Variants in TGIF1 observed in about 807,000 individuals in gnomAD.
TGIF1 encodes homeobox protein TGIF1.
In TGIF1, 4 loss-of-function variants were observed where a neutral mutation model predicts 19.3. The observed-to-expected ratio is 0.21, with a 90% CI of 0.10 to 0.47. The LOEUF is 0.47. Ranked by LOEUF, TGIF1 falls within the 20% of genes least tolerant of loss-of-function variation. TGIF1 has a pLI of 0.98. For missense variants in TGIF1, 275 were observed against 341.4 expected, an observed-to-expected ratio of 0.81 and a Z score of 1.53; for synonymous variants, 122 against 129.3, an observed-to-expected ratio of 0.94 and a Z score of 0.38.
intron 2 of TGIF1, among the ~76,000 whole-genome samples, chr18:3,422,839 C>T (rs1245718671): frequency 2.6e-5 from 4 of 151,762 alleles, no homozygotes; most frequent in Non-Finnish European, 4.4e-5. Flanking sequence ...TACAGGCACC[C>T]GCCACCACGC....
chr18:3,427,362 G>A (rs557974842), intron 2 of TGIF1, among the ~76,000 whole-genome samples: 121 of 151,790 alleles, frequency 8.0e-4, no homozygotes, highest in African/African-American at 2.6e-3. Flanking sequence ...CACAATTTCG[G>A]GACACTGCAA....
At chr18:3,434,201 C>T (rs1054678632) in intron 2 of TGIF1, among the ~76,000 whole-genome samples, 3 of 151,852 alleles carry the variant, frequency 2.0e-5, no homozygotes, top group Non-Finnish European at 4.4e-5. Context: ...ACCACCCTGG[C>T]CAACATGGTG....
In TGIF1 at chr18:3,451,874, C is replaced by T. The variant is rs1011288950; in HGVS notation, c.16+1369C>T. 1.4e-6 allele frequency: 2 copies of T among 1,432,166 alleles called. No homozygotes were observed. Among genetic ancestry groups the T allele is most frequent in the African/African-American group, 2.9e-5 (2 of 68,572 alleles). The allele number at this position is 1,432,166 out of a possible 1,614,324, so 88.7% of individuals were successfully genotyped here. ...ACGCGCGGGGGGCGTCCGAGACGCC[C>T]CGTGAAAGCCGTGCCGACCCTTGGG... On this transcript the variant is annotated intron_variant, in intron 1 of 2. Transcript: ENST00000343820. This position sits in a 1 kb window ranked among gnomAD's most constrained non-coding sequence, Gnocchi z 5.4.
intron 2 of TGIF1, among the ~76,000 whole-genome samples, chr18:3,422,673 CTTTTTTTTTT>C (rs869116407): frequency 1.2e-4 from 3 of 24,672 alleles, no homozygotes; most frequent in Non-Finnish European, 4.9e-4. Context: ...TATAGGTGGC[CTTTTTTTTTT>C]TTTTTTTTTT....
In TGIF1 at chr18:3,450,272, A is replaced by T; in HGVS notation, c.-218A>T. The T allele has an allele frequency of 2.1e-6, 3 of 1,434,208 alleles. No individual in the cohort carries two copies. The highest frequency in any genetic ancestry group is 2.7e-6 in the Non-Finnish European group (3 of 1,097,096). The allele number at this position is 1,434,208 out of a possible 1,614,324, so 88.8% of individuals were successfully genotyped here. The stretch of plus-strand genomic sequence containing the variant: ...GAGGGAGAGCCCCCGGCCGGCTGCC[A>T]GAAGATCCCGGCGGGAGGAAGCCCA... On this transcript the variant is annotated 5_prime_UTR_variant, in exon 1 of 3. Coordinates refer to ENST00000343820, the MANE Select transcript of TGIF1 (RefSeq NM_003244.4).
chr18:3,456,681 GAC>G lies in TGIF1; in HGVS notation c.243+103_243+104del, dbSNP rs71159074. On this transcript the variant is annotated intron_variant, in intron 2 of 2. Coordinates refer to ENST00000343820, the MANE Select transcript of TGIF1 (RefSeq NM_003244.4). The surrounding 1 kb of genome is among the most constrained non-coding windows in gnomAD (Gnocchi z 4.2). ...GTCATTAAGCTCCTTGCCACTCAAA[GAC>G]AGAAGGAATATCTTTTTATTGTAAA... The G allele has an allele frequency of 0.04, 41,323 of 1,028,024 alleles. 1,025 individuals carry two copies. Among genetic ancestry groups the G allele is most frequent in the Non-Finnish European group, 0.048 (32,245 of 666,640 alleles). The allele number at this position is 1,028,024 out of a possible 1,614,324, so 63.7% of individuals were successfully genotyped here.
chr18:3,454,298 T>C (rs1403649563), intron 1 of TGIF1, among the ~76,000 whole-genome samples: 1 of 152,194 alleles, frequency 6.6e-6, no homozygotes, highest in East Asian at 1.9e-4. Flanking sequence ...CAGGGGCTTT[T>C]TTTGTTTCAA....
intron 1 of TGIF1, chr18:3,452,174 G>C (rs761484867): frequency 1.2e-6 from 2 of 1,613,500 alleles, no homozygotes; most frequent in African/African-American, 2.7e-5. Context: ...CAGCGCCGTG[G>C]TCCTCCCTGG....
Position 3,458,108 on chromosome 18 carries a change from T to C in TGIF1, c.*168T>C. The stretch of plus-strand genomic sequence containing the variant: ...AATGGAATACAGTCATTCCAAGAAC[T>C]ATAAACTTAAAGCTACTGTAGAAAC... On this transcript the variant is annotated 3_prime_UTR_variant, in exon 3 of 3. Transcript: ENST00000343820. 1 of 638,856 alleles carries C rather than the reference T, an allele frequency of 1.6e-6. No individual in the cohort carries two copies. Among genetic ancestry groups the C allele is most frequent in the Non-Finnish European group, 2.7e-6 (1 of 374,308 alleles). The allele number at this position is 638,856 out of a possible 1,614,324, so 39.6% of individuals were successfully genotyped here. A position where few individuals can be genotyped will look rare whatever the true frequency, so the allele number is the denominator to read the frequency against.
upstream of TGIF1, chr18:3,447,717 C>T (rs201666218): frequency 2.5e-6 from 4 of 1,614,110 alleles, no homozygotes; most frequent in South Asian, 1.1e-5. Flanking sequence ...GAGTGCCTCG[C>T]CAGCTTTAAC....
intron 1 of TGIF1, among the ~76,000 whole-genome samples, chr18:3,417,013 C>T (rs1461854536): frequency 6.6e-6 from 1 of 151,960 alleles, no homozygotes; most frequent in Non-Finnish European, 1.5e-5. Context: ...AAATCTCACT[C>T]GGAATTTATC....
At chr18:3,431,940 C>A (rs1470450070) in intron 2 of TGIF1, among the ~76,000 whole-genome samples, 1 of 151,912 alleles carries the variant, frequency 6.6e-6, no homozygotes, top group Non-Finnish European at 1.5e-5. Context: ...ACTATCCTGG[C>A]CAACCTGGTG....
rs925595285 is a variant in TGIF1 at position 3,450,314 on chromosome 18, C to A, written c.-176C>A. 4.1e-6 allele frequency: 6 copies of A among 1,450,478 alleles called. No homozygotes were observed. Among genetic ancestry groups the A allele is most frequent in the Non-Finnish European group, 3.6e-6 (4 of 1,100,942 alleles). 89.9% of individuals were successfully genotyped at this position (1,450,478 alleles called of 1,614,324 possible). On this transcript the variant is annotated 5_prime_UTR_variant, in exon 1 of 3. Transcript: ENST00000343820. ...GGAAGCCCAAGTGTCACTTGAATTC[C>A]ACCCAAGGAGCGGGCGCCTGGGATC...
chr18:3,436,874 G>A (rs1019998445), intron 2 of TGIF1, among the ~76,000 whole-genome samples: 10 of 151,926 alleles, frequency 6.6e-5, no homozygotes, highest in Admixed American at 2.0e-4. Flanking sequence ...GGAGGCCGAG[G>A]TGGGTGGATC....
At chr18:3,422,673 C>CTTTTTTGTTTTTTTTTTTTT (rs1481496826) in intron 2 of TGIF1, among the ~76,000 whole-genome samples, 2 of 24,672 alleles carry the variant, frequency 8.1e-5, no homozygotes, top group South Asian at 1.7e-3. Context: ...TATAGGTGGC[C>CTTTTTTGTTTTTTTTTTTTT]TTTTTTTTTT....
chr18:3,452,209 C>G (rs758522634), intron 1 of TGIF1: 35 of 1,591,864 alleles, frequency 2.2e-5, no homozygotes, highest in Non-Finnish European at 2.7e-5. Flanking sequence ...CTCCTGGGGT[C>G]CTCCTGCGCC....
intron 2 of TGIF1, among the ~76,000 whole-genome samples, chr18:3,443,585 C>CT (rs1388876749): frequency 6.6e-6 from 1 of 151,438 alleles, no homozygotes; most frequent in South Asian, 2.1e-4. Flanking sequence ...ATAATGAGAA[C>CT]TTTTTTTTTG....
intron 2 of TGIF1, among the ~76,000 whole-genome samples, chr18:3,423,987 A>G (rs575211602): frequency 5.9e-5 from 9 of 152,336 alleles, no homozygotes; most frequent in East Asian, 5.8e-4. Context: ...TGGAGTGACA[A>G]TACAGAAGGG....
At chr18:3,421,703 C>T (rs539397350) in intron 2 of TGIF1, among the ~76,000 whole-genome samples, 5 of 151,952 alleles carry the variant, frequency 3.3e-5, no homozygotes, top group African/African-American at 4.8e-5. Flanking sequence ...TGAGCCACCG[C>T]GCCCATCTAT....
Sources: gnomAD v4.1 joint callset for allele counts (sites outside exome capture counted in the v4.1 genomes callset) on GRCh38, gnomAD v4.1.1 for gene constraint, Gnocchi (gnomAD v3.1) non-coding constraint, MANE v1.5 for transcripts, NCBI Gene and HGNC (gene_info 2026-07-23, HGNC 2026-07-21) for gene names.